Variants in CENPW observed in about 807,000 individuals in gnomAD.
CENPW encodes the protein cancer-up-regulated gene 2 protein.
In CENPW, 3 loss-of-function variants were observed where a neutral mutation model predicts 11.1. That is an observed-to-expected ratio of 0.27 (90% CI 0.12 to 0.70). The LOEUF (loss-of-function observed/expected upper bound fraction) is 0.70. Among genes scored for constraint, CENPW ranks in the 30% least tolerant of loss-of-function variants. CENPW has a pLI of 0.77. For synonymous variants in CENPW, 38 were observed against 42.0 expected (o/e 0.91, Z 0.37); for missense variants, 100 against 105.6 (o/e 0.95, Z 0.23).
the CENPW span, among the ~76,000 whole-genome samples, chr6:126,406,398 AT>A: frequency 6.6e-6 from 1 of 151,456 alleles, no homozygotes; most frequent in African/African-American, 2.4e-5. Flanking sequence ...ATTGAACTGT[AT>A]TTTTTTCTTT....
At chr6:126,471,589 A>G in the CENPW span, among the ~76,000 whole-genome samples, 2 of 152,240 alleles carry the variant, frequency 1.3e-5, no homozygotes, top group Admixed American at 1.3e-4. Context: ...ATGGATAAAT[A>G]TATATTCTCA....
chr6:126,411,970 T>A, the CENPW span, among the ~76,000 whole-genome samples: 2 of 22,804 alleles, frequency 8.8e-5, no homozygotes, highest in Non-Finnish European at 1.6e-4. Context: ...CTCTCTCTCC[T>A]TTCTCTCCTT....
chr6:126,444,175 A>AT, the CENPW span, among the ~76,000 whole-genome samples: 259 of 143,156 alleles, frequency 1.8e-3, 10 homozygotes, highest in South Asian at 0.053. Context: ...TCTTCTGGTT[A>AT]TTTTTTTTCT....
the CENPW span, among the ~76,000 whole-genome samples, chr6:126,419,352 C>A: frequency 6.6e-6 from 1 of 152,032 alleles, no homozygotes; most frequent in African/African-American, 2.4e-5. Context: ...GGAGATAATT[C>A]TTTGACAGAC....
chr6:126,393,180 A>AT, the CENPW span, among the ~76,000 whole-genome samples: 4 of 150,926 alleles, frequency 2.7e-5, no homozygotes, highest in South Asian at 2.1e-4. Context: ...GGACCTTCTC[A>AT]TTTTTTTTAG....
chr6:126,429,350 T>G, the CENPW span, among the ~76,000 whole-genome samples: 1 of 152,212 alleles, frequency 6.6e-6, no homozygotes, highest in East Asian at 1.9e-4. Context: ...TGAACTGTAA[T>G]CCCCAATGTT....
At chr6:126,466,461 G>A in the CENPW span, among the ~76,000 whole-genome samples, 9 of 152,096 alleles carry the variant, frequency 5.9e-5, no homozygotes, top group African/African-American at 2.2e-4. Flanking sequence ...GTGGAGACCA[G>A]ATTTCTCATT....
chr6:126,416,592 G>T, the CENPW span, among the ~76,000 whole-genome samples: 5 of 152,118 alleles, frequency 3.3e-5, no homozygotes, highest in Admixed American at 6.5e-5. Context: ...TGTGCTGTGT[G>T]CAGCCTAGGG....
At chr6:126,417,319 G>T in the CENPW span, among the ~76,000 whole-genome samples, 1 of 152,136 alleles carries the variant, frequency 6.6e-6, no homozygotes, top group Non-Finnish European at 1.5e-5. Context: ...ACTGGCTCAT[G>T]GGCAGAAGGG....
downstream of CENPW, among the ~76,000 whole-genome samples, chr6:126,352,086 A>G (rs1408076361): frequency 6.6e-6 from 1 of 152,226 alleles, no homozygotes; most frequent in Non-Finnish European, 1.5e-5. Context: ...GTTGCCATCC[A>G]GGGGCCATGC....
At chr6:126,452,660 A>C in the CENPW span, among the ~76,000 whole-genome samples, 3 of 151,106 alleles carry the variant, frequency 2.0e-5, no homozygotes, top group Non-Finnish European at 3.0e-5. Flanking sequence ...AAAATATCTA[A>C]AATTCATGCT....
chr6:126,357,276 C>G, the CENPW span, among the ~76,000 whole-genome samples: 1 of 152,084 alleles, frequency 6.6e-6, no homozygotes, highest in African/African-American at 2.4e-5. Flanking sequence ...CTATTCTGTT[C>G]CATTGGTCTA....
At chr6:126,460,445 C>T in the CENPW span, among the ~76,000 whole-genome samples, 2 of 151,596 alleles carry the variant, frequency 1.3e-5, no homozygotes, top group African/African-American at 2.4e-5. Context: ...GTAATGCAAG[C>T]GCTTTAAAGA....
chr6:126,454,845 A>G, the CENPW span, among the ~76,000 whole-genome samples: 2 of 151,364 alleles, frequency 1.3e-5, no homozygotes, highest in Middle Eastern at 3.4e-3. Context: ...ATAAAAAAAG[A>G]AAGAAGATCC....
chr6:126,385,924 G>A, the CENPW span, among the ~76,000 whole-genome samples: 2 of 152,180 alleles, frequency 1.3e-5, no homozygotes, highest in African/African-American at 4.8e-5. Flanking sequence ...CATTCATATT[G>A]AAAAGAAGGA....
chr6:126,459,520 T>A, the CENPW span, among the ~76,000 whole-genome samples: 737 of 151,722 alleles, frequency 4.9e-3, 9 homozygotes, highest in African/African-American at 0.016. Context: ...ACAAAAGGAT[T>A]TGTAAACACA....
the CENPW span, among the ~76,000 whole-genome samples, chr6:126,476,707 T>G: frequency 6.6e-6 from 1 of 152,024 alleles, no homozygotes; most frequent in East Asian, 1.9e-4. Context: ...AGAATATCAG[T>G]GCATATGAAC....
At chr6:126,378,259 T>A in the CENPW span, among the ~76,000 whole-genome samples, 1 of 152,188 alleles carries the variant, frequency 6.6e-6, no homozygotes, top group Admixed American at 6.5e-5. Flanking sequence ...TTTCATACAT[T>A]GATACAATTA....
chr6:126,419,023 A>G, the CENPW span, among the ~76,000 whole-genome samples: 8 of 152,100 alleles, frequency 5.3e-5, no homozygotes, highest in Non-Finnish European at 1.0e-4. Context: ...TGGCACATGT[A>G]TACATATGTA....
Sources: gnomAD v4.1 joint callset for allele counts (sites outside exome capture counted in the v4.1 genomes callset) on GRCh38, gnomAD v4.1.1 for gene constraint, MANE v1.5 for transcripts, NCBI Gene and HGNC (gene_info 2026-07-23, HGNC 2026-07-21) for gene names.